The following SLC24A2 variants were observed in gnomAD, a reference collection of about 807,000 sequenced individuals.
SLC24A2 encodes solute carrier family 24 member 2.
A neutral mutation model predicts 62.0 loss-of-function variants in SLC24A2; 36 were observed. That is an observed-to-expected ratio of 0.58 (90% CI 0.44 to 0.77). SLC24A2 has a LOEUF of 0.77. Ranked by LOEUF, SLC24A2 falls within the 30% of genes least tolerant of loss-of-function variation. The pLI is 0.00. For synonymous variants in SLC24A2, 358 were observed against 294.0 expected (o/e 1.22, Z -2.23); for missense variants, 846 against 817.9 (o/e 1.03, Z -0.42).
At chr9:19,766,751 C>A (rs1854142) in intron 2 of SLC24A2, among the ~76,000 whole-genome samples, 8,120 of 152,248 alleles carry the variant, frequency 0.053, 638 homozygotes, top group East Asian at 0.4. Context: ...AGCTGTCTCC[C>A]CTTCAGAAGG....
chr9:19,790,987 A>G (rs1003604895), upstream of SLC24A2, among the ~76,000 whole-genome samples: 1 of 152,214 alleles, frequency 6.6e-6, no homozygotes, highest in African/African-American at 2.4e-5. Flanking sequence ...TGAAGACCTC[A>G]TGAGTCCATA....
At chr9:19,954,640 G>C in the SLC24A2 span, among the ~76,000 whole-genome samples, 1 of 151,734 alleles carries the variant, frequency 6.6e-6, no homozygotes, top group South Asian at 2.1e-4. Context: ...CTAGTTCTAA[G>C]AATACTGAAA....
intron 7 of SLC24A2, among the ~76,000 whole-genome samples, chr9:19,554,504 C>A (rs989468146): frequency 6.6e-6 from 1 of 152,128 alleles, no homozygotes; most frequent in African/African-American, 2.4e-5. Flanking sequence ...CAGTCCCCCA[C>A]GGATAGCAAG....
the SLC24A2 span, among the ~76,000 whole-genome samples, chr9:20,065,885 G>A: frequency 6.6e-6 from 1 of 152,152 alleles, no homozygotes; most frequent in African/African-American, 2.4e-5. Flanking sequence ...TAATAAGCCA[G>A]CCAAAAGTCC....
chr9:20,145,554 C>G, the SLC24A2 span, among the ~76,000 whole-genome samples: 1 of 151,014 alleles, frequency 6.6e-6, no homozygotes, highest in Non-Finnish European at 1.5e-5. Flanking sequence ...GAAAGGAGTT[C>G]TTTTTTTTAA....
the SLC24A2 span, among the ~76,000 whole-genome samples, chr9:20,165,427 G>C: frequency 2.0e-5 from 3 of 151,850 alleles, no homozygotes; most frequent in South Asian, 6.2e-4. Context: ...AAATGCCTCT[G>C]TAATTAAAGG....
At chr9:19,882,680 A>G in the SLC24A2 span, among the ~76,000 whole-genome samples, 1 of 151,374 alleles carries the variant, frequency 6.6e-6, no homozygotes, top group African/African-American at 2.4e-5. Flanking sequence ...AAAAAAAAAA[A>G]TAGAGAATAG....
the SLC24A2 span, among the ~76,000 whole-genome samples, chr9:19,864,458 A>C: frequency 6.6e-6 from 1 of 152,050 alleles, no homozygotes; most frequent in Admixed American, 6.6e-5. Context: ...ATAGAATATT[A>C]GAAAAACAAA....
chr9:19,800,370 A>C, the SLC24A2 span, among the ~76,000 whole-genome samples: 1 of 152,192 alleles, frequency 6.6e-6, no homozygotes, highest in African/African-American at 2.4e-5. Context: ...TTGTTGTTGC[A>C]AGCAAGAAAT....
chr9:19,753,222 T>C (rs1020937370), intron 2 of SLC24A2, among the ~76,000 whole-genome samples: 14 of 152,168 alleles, frequency 9.2e-5, no homozygotes, highest in Admixed American at 9.2e-4. Flanking sequence ...TGCAGCAGAA[T>C]CATTTCTCAT....
chr9:20,184,285 C>T, the SLC24A2 span, among the ~76,000 whole-genome samples: 13 of 152,328 alleles, frequency 8.5e-5, no homozygotes, highest in African/African-American at 2.9e-4. Context: ...TGCAGAGGCT[C>T]ACGCCTGTTA....
chr9:20,260,361 C>T, the SLC24A2 span, among the ~76,000 whole-genome samples: 1 of 152,224 alleles, frequency 6.6e-6, no homozygotes. Flanking sequence ...TCTGATACAG[C>T]AGCAACAGTG....
intron 2 of SLC24A2, among the ~76,000 whole-genome samples, chr9:19,638,374 T>G (rs2118056694): frequency 6.6e-6 from 1 of 152,366 alleles, no homozygotes; most frequent in South Asian, 2.1e-4. Flanking sequence ...GAATTTACCT[T>G]TATTGCCAAC....
At chr9:19,675,556 G>T (rs1370092179) in intron 2 of SLC24A2, among the ~76,000 whole-genome samples, 2 of 152,092 alleles carry the variant, frequency 1.3e-5, no homozygotes, top group African/African-American at 2.4e-5. Context: ...TGAGGGTATG[G>T]ATCTCAGGCT....
At chr9:19,598,151 TTGTC>T (rs1301178458) in intron 4 of SLC24A2, among the ~76,000 whole-genome samples, 1 of 152,236 alleles carries the variant, frequency 6.6e-6, no homozygotes, top group Non-Finnish European at 1.5e-5. Context: ...TTATCCTTGT[TTGTC>T]TGAAAATTCT....
At chr9:20,019,083 G>GAAAGAA in the SLC24A2 span, among the ~76,000 whole-genome samples, 6 of 105,966 alleles carry the variant, frequency 5.7e-5, no homozygotes, top group African/African-American at 2.1e-4. Context: ...CAGAGAAAGA[G>GAAAGAA]AGAAAGAAAG....
the SLC24A2 span, among the ~76,000 whole-genome samples, chr9:19,803,179 A>C: frequency 6.6e-6 from 1 of 152,216 alleles, no homozygotes; most frequent in African/African-American, 2.4e-5. Context: ...TGTGATATAT[A>C]TGTGTAGTTC....
intron 2 of SLC24A2, among the ~76,000 whole-genome samples, chr9:19,649,971 C>A (rs552521469): frequency 2.2e-4 from 34 of 152,318 alleles, no homozygotes; most frequent in Admixed American, 8.5e-4. Context: ...AGCAAAAGCT[C>A]TAAAAGCAGA....
chr9:19,850,289 C>G, the SLC24A2 span, among the ~76,000 whole-genome samples: 1 of 151,858 alleles, frequency 6.6e-6, no homozygotes, highest in Non-Finnish European at 1.5e-5. Context: ...ATGTAAAGTT[C>G]AAAGAATTTT....
Sources: allele counts gnomAD v4.1 joint callset (sites outside exome capture counted in the v4.1 genomes callset), GRCh38; gene constraint gnomAD v4.1.1; transcripts MANE v1.5; gene names NCBI Gene and HGNC (gene_info 2026-07-23, HGNC 2026-07-21).